Variants in NEURL4 observed in about 807,000 individuals in gnomAD.
NEURL4 encodes the protein neuralized-like protein 4.
A neutral mutation model predicts 148.0 loss-of-function variants in NEURL4; 45 were observed. The observed-to-expected ratio is 0.30, with a 90% CI of 0.24 to 0.39. NEURL4 has a LOEUF of 0.39. NEURL4 is among the 10% of genes least tolerant of loss of function. The probability of loss-of-function intolerance (pLI) is 1.00; values close to 1 mark genes in which losing one functional copy is unlikely to be tolerated. For missense variants in NEURL4, 1,776 were observed against 2,144.0 expected, an observed-to-expected ratio of 0.83 and a Z score of 3.39; for synonymous variants, 854 against 869.0, an observed-to-expected ratio of 0.98 and a Z score of 0.30.
At chr17:7,323,270 TGGG>T in intron 14 of NEURL4, 147 bp from the exon 15 acceptor site, 1 of 997,822 alleles carries the variant, frequency 1.0e-6, no homozygotes, top group South Asian at 1.6e-5. Context: ...CCTCTGTCCC[TGGG>T]ATCCCCTTAG....
At chr17:7,323,446 A>C in intron 14 of NEURL4, 39 bp downstream of exon 14, 19 of 1,602,212 alleles carry the variant, frequency 1.2e-5, no homozygotes, top group Non-Finnish European at 1.6e-5. Flanking sequence ...AGCCAGCTCC[A>C]CTCAGCCCCA....
rs1419627042 is a variant in NEURL4, at chr17:7,329,131, G to C, written c.182C>G (p.Ala61Gly). The change falls in exon 1 of 29, where the codon GCG (alanine) becomes GGG (glycine). Residue 61 changes from alanine (A) to glycine (G), a missense_variant. Physicochemically the swap from Ala to Gly is moderately conservative, Grantham distance 60. Coordinates refer to ENST00000399464, the MANE Select transcript of NEURL4 (RefSeq NM_032442.3). ...LVSLSACGRT[A>G]RRQQPGQEFN... is the part of the protein sequence containing the mutation. ...CTCCTGGCCCGGCTGCTGCCGCCGCGCCGTACGCCCACAGGCCGACAGGCT... is the reference window on the plus strand; with the variant it reads ...CTCCTGGCCCGGCTGCTGCCGCCGCCCCGTACGCCCACAGGCCGACAGGCT... The C allele has an allele frequency of 1.2e-6, 2 of 1,609,388 alleles. No homozygotes were observed. Among genetic ancestry groups the C allele is most frequent in the Non-Finnish European group, 1.7e-6 (2 of 1,179,088 alleles).
rs562379965 is a variant in NEURL4 at position 7,322,559 on chromosome 17, G to A, written c.2725+176C>T. 1.4e-3 allele frequency among the ~76,000 whole-genome samples: 212 copies of A among 152,278 alleles called. 2 individuals carry two copies. The highest frequency in any genetic ancestry group is 1.8e-4 in the Non-Finnish European group (12 of 68,008). On this transcript the variant is annotated intron_variant, in intron 16 of 28. Transcript: ENST00000399464. The surrounding 1 kb of genome is among the most constrained non-coding windows in gnomAD (Gnocchi z 5.5). ...TGGCAGGGAAGTGTCCAGGCTCTAAGTACCAGGTGTAACCTCCCCCTCACT... is the reference window on the plus strand; with the variant it reads ...TGGCAGGGAAGTGTCCAGGCTCTAAATACCAGGTGTAACCTCCCCCTCACT...
chr17:7,324,415 G>A lies in NEURL4; in HGVS notation c.1879C>T (p.His627Tyr). 1 of 1,614,180 alleles carries A rather than the reference G, an allele frequency of 6.2e-7. No homozygotes were observed. Among genetic ancestry groups the A allele is most frequent in the Non-Finnish European group, 8.5e-7 (1 of 1,180,010 alleles). The change falls in exon 10 of 29, where the codon CAC becomes TAC. Residue 627 changes from histidine (H) to tyrosine (Y), a missense_variant. His to Tyr is a moderately conservative substitution (Grantham distance 83). Transcript: ENST00000399464. The surrounding 1 kb of genome is among the most constrained non-coding windows in gnomAD (Gnocchi z 5.9). Reference protein sequence around the residue: ...NGTTILDEYGHNLDRLKAGDT... With the variant: ...NGTTILDEYGYNLDRLKAGDT... ...CCCACCTTGAGGCGGTCCAGATTGTGCCCGTATTCATCCAGGATGGTCGTC... is the reference window on the plus strand; with the variant it reads ...CCCACCTTGAGGCGGTCCAGATTGTACCCGTATTCATCCAGGATGGTCGTC...
intron 8 of NEURL4, 47 bp downstream of exon 8, chr17:7,325,162 C>A (rs1207300412): frequency 1.3e-6 from 1 of 748,832 alleles, no homozygotes; most frequent in East Asian, 3.1e-5. Flanking sequence ...CCCCCCCCCC[C>A]CATTAGAATC....
intron 1 of NEURL4, among the ~76,000 whole-genome samples, chr17:7,328,548 C>T (rs889700820): frequency 5.3e-5 from 8 of 152,286 alleles, no homozygotes; most frequent in African/African-American, 1.9e-4. Context: ...GGATTACAGG[C>T]GCACGCCACC....
chr17:7,327,730 T>C lies in NEURL4; in HGVS notation c.437A>G (p.Tyr146Cys). The C allele has an allele frequency of 6.2e-7, 1 of 1,614,070 alleles. No individual in the cohort carries two copies. The highest frequency in any genetic ancestry group is 2.2e-5 in the East Asian group (1 of 44,878). The stretch of plus-strand genomic sequence containing the variant: ...ACCAAGCTGGTCCAGGTCCTGACCA[T>C]ACTCCTCCAACACAGAGCGTCCATC... The part of the protein sequence containing the change: ...LRDGRSVLEE[Y>C]GQDLDQLGEG... The change falls in exon 2 of 29, where the codon TAT (tyrosine) becomes TGT (cysteine). Residue 146 changes from tyrosine (Y) to cysteine (C), a missense_variant. Tyr to Cys is a radical substitution (Grantham distance 194). Coordinates refer to ENST00000399464, the MANE Select transcript of NEURL4 (RefSeq NM_032442.3). This position sits in a 1 kb window ranked among gnomAD's most constrained non-coding sequence, Gnocchi z 6.6.
In NEURL4 at chr17:7,317,554, C is replaced by A; in HGVS notation, c.4225G>T (p.Ala1409Ser). ...TGCCACTTCTTGGTTAGTGTCCCAG[C>A]CTCCAGGCGGGGATTCACTCTAGGA... The part of the protein sequence containing the change: ...FNLRVNPRLE[A>S]GTLTKKWHMA... Residue 1409 changes from alanine to serine, a missense_variant, in exon 27 of 29, where the codon GCT (alanine) becomes TCT (serine). Physicochemically the swap from Ala to Ser is moderately conservative, Grantham distance 99. Coordinates refer to ENST00000399464, the MANE Select transcript of NEURL4 (RefSeq NM_032442.3). 6.2e-7 allele frequency: 1 copy of A among 1,614,198 alleles called. No homozygotes were observed. Among genetic ancestry groups the A allele is most frequent in the Non-Finnish European group, 8.5e-7 (1 of 1,180,016 alleles).
rs1440146528 is a variant in NEURL4 at position 7,326,433 on chromosome 17, G to C, written c.1204+4C>G. 1.2e-6 allele frequency: 2 copies of C among 1,614,002 alleles called. No homozygotes were observed. The highest frequency in any genetic ancestry group is 3.3e-5 in the Admixed American group (2 of 60,030). On this transcript the variant is annotated splice_donor_region_variant and intron_variant, in intron 5 of 28. Transcript: ENST00000399464. This position sits in a 1 kb window ranked among gnomAD's most constrained non-coding sequence, Gnocchi z 6.0. ...GCACCCCCGCCCCTGCCCGGGGCTGGTACCTGACTGGAGGTTGGTCATGGT... is the reference window on the plus strand; with the variant it reads ...GCACCCCCGCCCCTGCCCGGGGCTGCTACCTGACTGGAGGTTGGTCATGGT...
At position 7,327,486 on chromosome 17, in the gene NEURL4, G is replaced by A. The variant is rs1196994925; in HGVS notation, c.681C>T (p.Pro227=). 2.5e-6 allele frequency: 4 copies of A among 1,579,812 alleles called. No homozygotes were observed. The South Asian group carries it at 4.7e-5, about 19-fold the overall frequency. The stretch of plus-strand genomic sequence containing the variant: ...GTTCAGCCAAGGCAGAGTCTTCAGT[G>A]GGGGCCAAGGGCTCGAGGGGAGGTG... ...IPTPPLEPLA[P]TEDSALAEQG... Residue 227 remains proline (P), a synonymous_variant, in exon 2 of 29, where the codon CCC becomes CCT. Transcript: ENST00000399464. This position sits in a 1 kb window ranked among gnomAD's most constrained non-coding sequence, Gnocchi z 6.6.
At chr17:7,316,361 T>C in intron 28 of NEURL4, 34 bp from the exon 29 acceptor site, 2 of 1,552,860 alleles carry the variant, frequency 1.3e-6, no homozygotes, top group Non-Finnish European at 1.8e-6. Context: ...GAGTGAAGCC[T>C]CTCGCCCCAT....
Position 7,322,057 on chromosome 17 carries a change from G to T in NEURL4, c.2726-47C>A. 6.5e-7 allele frequency: 1 copy of T among 1,541,700 alleles called. No individual in the cohort carries two copies. Among genetic ancestry groups the T allele is most frequent in the Middle Eastern group, 1.7e-4 (1 of 5,762 alleles). On this transcript the variant is annotated intron_variant, in intron 16 of 28. Coordinates refer to ENST00000399464, the MANE Select transcript of NEURL4 (RefSeq NM_032442.3). The surrounding 1 kb of genome is among the most constrained non-coding windows in gnomAD (Gnocchi z 5.5). ...AGAAGGGGTAGGATTGGGGCAGCGAGCTTCAGGCAGAACACAGAGCAAAGC... is the reference window on the plus strand; with the variant it reads ...AGAAGGGGTAGGATTGGGGCAGCGATCTTCAGGCAGAACACAGAGCAAAGC...
In NEURL4 at chr17:7,318,478, C is replaced by T. The variant is rs910304567; in HGVS notation, c.3864+17G>A. 4 of 1,600,152 alleles carry T rather than the reference C, an allele frequency of 2.5e-6. No homozygotes were observed. The highest frequency in any genetic ancestry group is 2.2e-5 in the East Asian group (1 of 44,758). On this transcript the variant is annotated intron_variant, in intron 23 of 28. Coordinates refer to ENST00000399464, the MANE Select transcript of NEURL4 (RefSeq NM_032442.3). The surrounding 1 kb of genome is among the most constrained non-coding windows in gnomAD (Gnocchi z 4.3). ...GACTCTCAGGCACCCCTCCTCCCTG[C>T]CCCCACTGCCACTAACCTGCTCACA...
chr17:7,324,363 G>A lies in NEURL4; in HGVS notation c.1899+32C>T, dbSNP rs1271304464. 4 of 1,613,990 alleles carry A rather than the reference G, an allele frequency of 2.5e-6. No individual in the cohort carries two copies. The highest frequency in any genetic ancestry group is 2.2e-5 in the East Asian group (1 of 44,874). On this transcript the variant is annotated intron_variant, in intron 10 of 28. Coordinates refer to ENST00000399464, the MANE Select transcript of NEURL4 (RefSeq NM_032442.3). The surrounding 1 kb of genome is among the most constrained non-coding windows in gnomAD (Gnocchi z 5.9). ...CCCCGCGGTGTTTGTGATGCCCGCT[G>A]CGGCCGCCAGGCGGCGCACCCACTT...
Position 7,327,891 on chromosome 17 carries a change from TA to T in NEURL4, c.283-8del, listed in dbSNP as rs781165254. On this transcript the variant is annotated splice_region_variant and splice_polypyrimidine_tract_variant and intron_variant, in intron 1 of 28. Transcript: ENST00000399464. The surrounding 1 kb of genome is among the most constrained non-coding windows in gnomAD (Gnocchi z 6.6). ...AGCCGCTCCAGGAGTTGACCTGGGA[TA>T]GGGGTATTGGACAGAGGCTTAGAAT... 13 of 1,593,606 alleles carry T rather than the reference TA, an allele frequency of 8.2e-6. No homozygotes were observed. The Middle Eastern group carries it at 9.9e-4, about 122-fold the overall frequency.
At position 7,319,143 on chromosome 17, in the gene NEURL4, C is replaced by A. The variant is rs754072802; in HGVS notation, c.3591G>T (p.Ala1197=). The change falls in exon 22 of 29, where the codon GCG becomes GCT. Residue 1197 remains alanine, a synonymous_variant. Transcript: ENST00000399464. The stretch of plus-strand genomic sequence containing the variant: ...AAGCAGGGAAGTTGAGCCTCTCAGG[C>A]GCGCAGGTGATGACTCCCAGGACAA... The part of the protein sequence containing the change: ...SSLVLGVITC[A]PERLNFPASA... The A allele has an allele frequency of 1.9e-6, 3 of 1,614,034 alleles. No homozygotes were observed. In the African/African-American group the frequency reaches 4.0e-5, roughly 22 times the overall value.
In NEURL4 at chr17:7,323,133, T is replaced by A; in HGVS notation, c.2418-10A>T. The A allele has an allele frequency of 1.9e-6, 3 of 1,607,056 alleles. No individual in the cohort carries two copies. The highest frequency in any genetic ancestry group is 2.6e-6 in the Non-Finnish European group (3 of 1,174,780). On this transcript the variant is annotated splice_polypyrimidine_tract_variant and intron_variant, in intron 14 of 28. Coordinates refer to ENST00000399464, the MANE Select transcript of NEURL4 (RefSeq NM_032442.3). The stretch of plus-strand genomic sequence containing the variant: ...CATGATGGCTGTACCACTGGGGGGA[T>A]GGCAGAAGGGGTGAGTCAGCCTGCC...
In NEURL4 at chr17:7,324,369, G is replaced by A. The variant is rs775331373; in HGVS notation, c.1899+26C>T. ...GGTGTTTGTGATGCCCGCTGCGGCC[G>A]CCAGGCGGCGCACCCACTTTCCCAC... is the stretch of plus-strand genomic sequence containing the variant. On this transcript the variant is annotated intron_variant, in intron 10 of 28. Coordinates refer to ENST00000399464, the MANE Select transcript of NEURL4 (RefSeq NM_032442.3). This position sits in a 1 kb window ranked among gnomAD's most constrained non-coding sequence, Gnocchi z 5.9. The A allele has an allele frequency of 3.3e-5, 54 of 1,613,738 alleles. No individual in the cohort carries two copies. Among genetic ancestry groups the A allele is most frequent in the South Asian group, 1.6e-4 (15 of 91,088 alleles).
rs2073035412 is a variant in NEURL4, at chr17:7,321,629, G to C, written c.3030C>G (p.Ser1010=). ...GCCCATCACGCCTCACTTCACAGCT[G>C]GATACCATCCAAGTGGTCTTCGTCC... is the stretch of plus-strand genomic sequence containing the variant. ...ELRTKTTWMV[S]SCEVRRDGQL... Residue 1010 remains serine (S), a synonymous_variant, in exon 18 of 29, where the codon TCC becomes TCG. Transcript: ENST00000399464. This position sits in a 1 kb window ranked among gnomAD's most constrained non-coding sequence, Gnocchi z 6.3. 7 of 1,614,068 alleles carry C rather than the reference G, an allele frequency of 4.3e-6. No homozygotes were observed. Among genetic ancestry groups the C allele is most frequent in the Non-Finnish European group, 5.1e-6 (6 of 1,180,036 alleles).
Sources: allele counts gnomAD v4.1 joint callset (sites outside exome capture counted in the v4.1 genomes callset), GRCh38; gene constraint gnomAD v4.1.1; non-coding constraint Gnocchi (gnomAD v3.1); transcripts MANE v1.5; gene names NCBI Gene and HGNC (gene_info 2026-07-23, HGNC 2026-07-21).